Variants in GATD1 observed in about 807,000 individuals in gnomAD.
The protein encoded by GATD1 is glutamine amidotransferase-like class 1 domain-containing protein 1.
Under a neutral mutation model 25.9 loss-of-function variants are expected in GATD1, and 23 were observed. That is an observed-to-expected ratio of 0.89 (90% CI 0.64 to 1.26). The LOEUF is 1.26. Ranked by LOEUF, GATD1 falls within the 50% of genes most tolerant of loss-of-function variation. The pLI is 0.00. For missense variants in GATD1, 347 were observed against 312.5 expected, an observed-to-expected ratio of 1.11 and a Z score of -0.83; for synonymous variants, 177 against 134.6, an observed-to-expected ratio of 1.31 and a Z score of -2.18.
intron 1 of GATD1, chr11:776,626 G>C (rs1864009482): frequency 1.3e-5 from 2 of 152,528 alleles, no homozygotes; most frequent in African/African-American, 4.8e-5. Flanking sequence ...GTCCACACTT[G>C]AGGAGCTACA....
rs1391654157 is a variant in GATD1 at position 767,395 on chromosome 11, A to C, written c.*3502T>G. ...TGCCCTGGCAAAGAGAGAACTGTGC[A>C]CAGCGGGGAGGCTCTCCAAGCCAGA... is the stretch of plus-strand genomic sequence containing the variant. On this transcript the variant is annotated 3_prime_UTR_variant, in exon 8 of 8. Coordinates refer to ENST00000319863, the MANE Select transcript of GATD1 (RefSeq NM_182612.4). 8 of 1,532,288 alleles carry C rather than the reference A, an allele frequency of 5.2e-6. No individual in the cohort carries two copies. The highest frequency in any genetic ancestry group is 7.0e-6 in the Non-Finnish European group (8 of 1,145,226). 94.9% of individuals were successfully genotyped at this position (1,532,288 alleles called of 1,614,324 possible).
rs753493263 is a variant in GATD1, at chr11:767,279, T to C, written c.*3618A>G. ...GGGTAGATGAACACACACTGGTATA[T>C]GGGGAAATCCTCACCCGCCCTCCGC... On this transcript the variant is annotated 3_prime_UTR_variant, in exon 8 of 8. Coordinates refer to ENST00000319863, the MANE Select transcript of GATD1 (RefSeq NM_182612.4). 7 of 1,536,164 alleles carry C rather than the reference T, an allele frequency of 4.6e-6. No homozygotes were observed. The highest frequency in any genetic ancestry group is 2.4e-5 in the East Asian group (1 of 40,926).
chr11:771,524 C>T (rs956795411), intron 5 of GATD1, 98 bp from the exon 6 acceptor site: 4 of 1,434,950 alleles, frequency 2.8e-6, no homozygotes, highest in Non-Finnish European at 3.6e-6. Context: ...CCTCACCCAA[C>T]CAAGTGGGAC....
At position 770,109 on chromosome 11, in the gene GATD1, G is replaced by C. The variant is rs1863301776; in HGVS notation, c.*788C>G. The C allele has an allele frequency of 9.8e-6, 12 of 1,223,052 alleles. No individual in the cohort carries two copies. Among genetic ancestry groups the C allele is most frequent in the East Asian group, 3.2e-5 (1 of 30,820 alleles). The allele number at this position is 1,223,052 out of a possible 1,614,324, so 75.8% of individuals were successfully genotyped here. A position where few individuals can be genotyped will look rare whatever the true frequency, so the allele number is the denominator to read the frequency against. On this transcript the variant is annotated 3_prime_UTR_variant, in exon 8 of 8. Transcript: ENST00000319863. The stretch of plus-strand genomic sequence containing the variant: ...CTGGACGCCCTAACCTGGGGCCAGG[G>C]GGCAGCCCGCTGGAGGGCCACAGCC...
rs552084099 is a variant in GATD1 at position 767,643 on chromosome 11, C to A, written c.*3254G>T. On this transcript the variant is annotated 3_prime_UTR_variant, in exon 8 of 8. Transcript: ENST00000319863. ...TGGCCTGAGCACGTCCCCCCAAAAC[C>A]CACCTGCTTAAGTCCTCACCTGCAA... is the stretch of plus-strand genomic sequence containing the variant. The A allele has an allele frequency of 9.3e-6, 12 of 1,295,760 alleles. No homozygotes were observed. The highest frequency in any genetic ancestry group is 1.2e-5 in the Non-Finnish European group (12 of 1,020,120). The allele number at this position is 1,295,760 out of a possible 1,614,324, so 80.3% of individuals were successfully genotyped here. A position where few individuals can be genotyped will look rare whatever the true frequency, so the allele number is the denominator to read the frequency against.
chr11:774,117 G>A lies in GATD1; in HGVS notation c.142-4C>T. ...CCACAAATTCCATGGCTTTCCCCTG[G>A]AGAAGCAGAGCCCAGGGGCCGAGGG... is the stretch of plus-strand genomic sequence containing the variant. On this transcript the variant is annotated splice_region_variant and splice_polypyrimidine_tract_variant and intron_variant, in intron 2 of 7. Coordinates refer to ENST00000319863, the MANE Select transcript of GATD1 (RefSeq NM_182612.4). 1 of 1,612,754 alleles carries A rather than the reference G, an allele frequency of 6.2e-7. No individual in the cohort carries two copies. Among genetic ancestry groups the A allele is most frequent in the Non-Finnish European group, 8.5e-7 (1 of 1,179,418 alleles).
chr11:777,364 C>G, intron 1 of GATD1, 35 bp downstream of exon 1: 1 of 1,286,056 alleles, frequency 7.8e-7, no homozygotes, highest in Non-Finnish European at 9.9e-7. Context: ...CTCGCGGACG[C>G]TCTTCGGACA....
In GATD1 at chr11:770,873, AG is replaced by A. The variant is rs972085408; in HGVS notation, c.*23del. ...CCTCTGGAGACACCTGGGCTGTCTC[AG>A]GGGGTGCATCTACCCAGCAGGTTCA... On this transcript the variant is annotated 3_prime_UTR_variant, in exon 8 of 8. Transcript: ENST00000319863. 1.9e-6 allele frequency: 3 copies of A among 1,595,954 alleles called. No individual in the cohort carries two copies. The highest frequency in any genetic ancestry group is 3.4e-5 in the Admixed American group (2 of 59,304).
chr11:770,284 T>C lies in GATD1; in HGVS notation c.*613A>G. 2.0e-6 allele frequency: 3 copies of C among 1,491,046 alleles called. No individual in the cohort carries two copies. Among genetic ancestry groups the C allele is most frequent in the Non-Finnish European group, 2.7e-6 (3 of 1,124,786 alleles). The allele number at this position is 1,491,046 out of a possible 1,614,324, so 92.4% of individuals were successfully genotyped here. On this transcript the variant is annotated 3_prime_UTR_variant, in exon 8 of 8. Transcript: ENST00000319863. ...ACAAGTAAACGTGCCTCTCAATGCTTAGGACAGGGTGCATCACTGAGGTGC... is the reference window on the plus strand; with the variant it reads ...ACAAGTAAACGTGCCTCTCAATGCTCAGGACAGGGTGCATCACTGAGGTGC...
chr11:774,512 G>A (rs1863771329), intron 2 of GATD1, among the ~76,000 whole-genome samples: 1 of 152,248 alleles, frequency 6.6e-6, no homozygotes, highest in Non-Finnish European at 1.5e-5. Flanking sequence ...TCACACACGT[G>A]CAGAAGCACA....
chr11:768,747 A>C lies in GATD1; in HGVS notation c.*2150T>G, dbSNP rs1169189884. On this transcript the variant is annotated 3_prime_UTR_variant, in exon 8 of 8. Transcript: ENST00000319863. Reference sequence around the variant, plus strand: ...TTTGGGAGGCTGAGGAAGATGGATCACCTGAGGTCAGGAGTTCAAGACCAG... The same window carrying C: ...TTTGGGAGGCTGAGGAAGATGGATCCCCTGAGGTCAGGAGTTCAAGACCAG... The C allele has an allele frequency of 6.6e-6, 1 of 152,182 alleles. No individual in the cohort carries two copies. Among genetic ancestry groups the C allele is most frequent in the African/African-American group, 2.4e-5 (1 of 41,460 alleles). 9.4% of individuals were successfully genotyped at this position (152,182 alleles called of 1,614,324 possible).
At chr11:777,303 C>A in intron 1 of GATD1, 96 bp downstream of exon 1, 5 of 1,029,636 alleles carry the variant, frequency 4.9e-6, no homozygotes, top group Non-Finnish European at 6.1e-6. Flanking sequence ...GCCTCCGGCG[C>A]CACGTGACGC....
Position 767,554 on chromosome 11 carries a change from A to G in GATD1, c.*3343T>C. ...TGCTTTGATCTTCAATGCTGGGCTC[A>G]ATGTCAGATCTGGCTGACCAGAGGG... On this transcript the variant is annotated 3_prime_UTR_variant, in exon 8 of 8. Transcript: ENST00000319863. 2 of 1,419,208 alleles carry G rather than the reference A, an allele frequency of 1.4e-6. No homozygotes were observed. Among genetic ancestry groups the G allele is most frequent in the East Asian group, 5.1e-5 (2 of 39,264 alleles). The allele number at this position is 1,419,208 out of a possible 1,614,324, so 87.9% of individuals were successfully genotyped here.
At chr11:771,515 C>A in intron 5 of GATD1, 89 bp from the exon 6 acceptor site, 1 of 1,442,978 alleles carries the variant, frequency 6.9e-7, no homozygotes. Context: ...GGCAGGGAGC[C>A]TCACCCAACC....
chr11:771,976 C>A (rs996773402), intron 5 of GATD1, among the ~76,000 whole-genome samples: 3 of 152,166 alleles, frequency 2.0e-5, no homozygotes, highest in Non-Finnish European at 2.9e-5. Flanking sequence ...TGTGGATCAG[C>A]CACTCCCACA....
In GATD1 at chr11:777,474, G is replaced by C. The variant is rs1194918988; in HGVS notation, c.-12C>G. On this transcript the variant is annotated 5_prime_UTR_variant, in exon 1 of 8. Transcript: ENST00000319863. ...CGCTCGGACGCCATGGCTCGGGCTCGGCGCTGGGTCTGCGCGTGCGCGGCG... is the reference window on the plus strand; with the variant it reads ...CGCTCGGACGCCATGGCTCGGGCTCCGCGCTGGGTCTGCGCGTGCGCGGCG... 1.6e-6 allele frequency: 2 copies of C among 1,227,022 alleles called. No homozygotes were observed. The highest frequency in any genetic ancestry group is 2.0e-6 in the Non-Finnish European group (2 of 982,356). 76.0% of individuals were successfully genotyped at this position (1,227,022 alleles called of 1,614,324 possible).
chr11:772,755 C>A (rs938052715), intron 4 of GATD1: 2 of 576,138 alleles, frequency 3.5e-6, no homozygotes, highest in South Asian at 4.0e-5. Context: ...TGGTTTAGAG[C>A]CCAAATCTCA....
chr11:775,667 C>T (rs1863888705), intron 1 of GATD1, among the ~76,000 whole-genome samples: 2 of 152,228 alleles, frequency 1.3e-5, no homozygotes, highest in African/African-American at 4.8e-5. Context: ...GGCCCCCCCT[C>T]ACCCCTTCCA....
chr11:770,502 A>G lies in GATD1; in HGVS notation c.*395T>C, dbSNP rs2133608793. 3 of 1,437,868 alleles carry G rather than the reference A, an allele frequency of 2.1e-6. No homozygotes were observed. Among genetic ancestry groups the G allele is most frequent in the Non-Finnish European group, 2.7e-6 (3 of 1,096,992 alleles). 89.1% of individuals were successfully genotyped at this position (1,437,868 alleles called of 1,614,324 possible). On this transcript the variant is annotated 3_prime_UTR_variant, in exon 8 of 8. Coordinates refer to ENST00000319863, the MANE Select transcript of GATD1 (RefSeq NM_182612.4). Reference sequence around the variant, plus strand: ...AACAGTGAAAGAGGTGGTGGGTGGCAGACAGGCCACAGCAGGGCAAACCCA... The same window carrying G: ...AACAGTGAAAGAGGTGGTGGGTGGCGGACAGGCCACAGCAGGGCAAACCCA...
Sources: allele counts gnomAD v4.1 joint callset (sites outside exome capture counted in the v4.1 genomes callset), GRCh38; gene constraint gnomAD v4.1.1; transcripts MANE v1.5; gene names NCBI Gene and HGNC (gene_info 2026-07-23, HGNC 2026-07-21).